WDR86: variants seen among roughly 807,000 people sequenced by gnomAD.
WDR86 encodes the protein WD repeat domain 86.
In WDR86, 30 loss-of-function variants were observed where a neutral mutation model predicts 36.5. The ratio of observed to expected loss-of-function variants is 0.82; its 90% CI spans 0.61 to 1.11. The LOEUF is 1.11. WDR86 is among the 50% of genes most tolerant of loss of function. The pLI, the probability that WDR86 is intolerant of heterozygous loss-of-function variation, is 0.00. For synonymous variants in WDR86, 255 were observed against 252.9 expected, an observed-to-expected ratio of 1.01 and a Z score of -0.08; for missense variants, 545 against 561.2, an observed-to-expected ratio of 0.97 and a Z score of 0.29.
Position 151,388,482 on chromosome 7 carries a change from C to A in WDR86, c.727-3259G>T, listed in dbSNP as rs1398495735. On this transcript the variant is annotated intron_variant, in intron 3 of 5. Transcript: ENST00000334493. The surrounding 1 kb of genome is among the most constrained non-coding windows in gnomAD (Gnocchi z 4.2). ...CGCAGGGCCACCACAGACAGGGTGC[C>A]CCCTGGCTTTTTGACCTTGGGTTTG... 1.3e-5 allele frequency among the ~76,000 whole-genome samples: 2 copies of A among 152,136 alleles called. No individual in the cohort carries two copies. Among genetic ancestry groups the A allele is most frequent in the Non-Finnish European group, 2.9e-5 (2 of 68,014 alleles).
chr7:151,379,462 A>G (rs1476946753), downstream of WDR86, among the ~76,000 whole-genome samples: 2 of 152,146 alleles, frequency 1.3e-5, no homozygotes, highest in African/African-American at 4.8e-5. Flanking sequence ...CAATTTATCA[A>G]AAGCAGACAC....
chr7:151,381,378 G>C lies in WDR86; in HGVS notation c.*204C>G. ...GCCACCCTAAAAGGGAAAAGGGGGCGGTCCCCAGGGCGAGCACTCCCGCTC... is the reference window on the plus strand; with the variant it reads ...GCCACCCTAAAAGGGAAAAGGGGGCCGTCCCCAGGGCGAGCACTCCCGCTC... On this transcript the variant is annotated 3_prime_UTR_variant, in exon 6 of 6. Transcript: ENST00000334493. This position sits in a 1 kb window ranked among gnomAD's most constrained non-coding sequence, Gnocchi z 4.8. 2.1e-6 allele frequency: 3 copies of C among 1,445,060 alleles called. No homozygotes were observed. Among genetic ancestry groups the C allele is most frequent in the South Asian group, 2.8e-5 (2 of 72,712 alleles). The allele number at this position is 1,445,060 out of a possible 1,614,324, so 89.5% of individuals were successfully genotyped here.
chr7:151,377,206 C>A, downstream of WDR86: 1 of 1,551,622 alleles, frequency 6.4e-7, no homozygotes, highest in Non-Finnish European at 8.7e-7. Flanking sequence ...AATAGGAAGT[C>A]AGCAACAAAG....
At chr7:151,382,107 A>G in intron 4 of WDR86, 126 bp from the exon 5 acceptor site, 1 of 779,612 alleles carries the variant, frequency 1.3e-6, no homozygotes. Flanking sequence ...CCTGAGGCTC[A>G]TATGGGAAGT....
the WDR86 span, among the ~76,000 whole-genome samples, chr7:151,370,639 C>G: frequency 7.3e-5 from 11 of 151,556 alleles, no homozygotes; most frequent in Non-Finnish European, 1.5e-4. Context: ...GTGCGCTGCA[C>G]CCATTAACTC....
rs1023346851 is a variant in WDR86, at chr7:151,406,359, C to T, written c.163+3068G>A. On this transcript the variant is annotated intron_variant, in intron 1 of 5. Coordinates refer to ENST00000334493, the MANE Select transcript of WDR86 (RefSeq NM_198285.3). This position sits in a 1 kb window ranked among gnomAD's most constrained non-coding sequence, Gnocchi z 4.4. ...AGGAAAGCCTGCGGTCCCTGATTGC[C>T]CCTGCTGCCATGAACAGAGCCAGAG... 3.3e-5 allele frequency among the ~76,000 whole-genome samples: 5 copies of T among 152,192 alleles called. No homozygotes were observed. The highest frequency in any genetic ancestry group is 1.2e-4 in the African/African-American group (5 of 41,440).
chr7:151,370,919 TC>T (rs1797930052), downstream of WDR86, among the ~76,000 whole-genome samples: 1 of 152,122 alleles, frequency 6.6e-6, no homozygotes, highest in African/African-American at 2.4e-5. Flanking sequence ...AGACTATAGT[TC>T]ATAAAACATT....
At chr7:151,374,611 A>C (rs947924171), downstream of WDR86, 2 of 294,866 alleles carry the variant, frequency 6.8e-6, no homozygotes, top group African/African-American at 2.2e-5. Context: ...TTGGCATTAA[A>C]ATTTTAAATG....
downstream of WDR86, chr7:151,378,055 T>G (rs1488525172): frequency 6.6e-6 from 1 of 152,204 alleles, no homozygotes; most frequent in Non-Finnish European, 1.5e-5. Flanking sequence ...TCTCCAGGTT[T>G]TTTGTGGGTT....
At chr7:151,391,135 T>G (rs568070043) in intron 3 of WDR86, among the ~76,000 whole-genome samples, 176 of 152,312 alleles carry the variant, frequency 1.2e-3, no homozygotes, top group African/African-American at 4.1e-3. Flanking sequence ...GCCCATCTGA[T>G]GAAGGCTGTG....
At chr7:151,380,847 T>C (rs528515030), downstream of WDR86, among the ~76,000 whole-genome samples, 272 of 123,548 alleles carry the variant, frequency 2.2e-3, 1 homozygote, top group Non-Finnish European at 3.4e-3. Flanking sequence ...GAAAATGACA[T>C]GCCAGAAAAT....
intron 3 of WDR86, among the ~76,000 whole-genome samples, chr7:151,389,881 A>G (rs1799288783): frequency 6.6e-6 from 1 of 152,182 alleles, no homozygotes; most frequent in Non-Finnish European, 1.5e-5. Context: ...TTAGATAGCA[A>G]TGGTGCCGCC....
chr7:151,403,720 C>A (rs1208702896), intron 1 of WDR86, among the ~76,000 whole-genome samples: 1 of 152,184 alleles, frequency 6.6e-6, no homozygotes, highest in African/African-American at 2.4e-5. Context: ...TTTGTCAAAA[C>A]GCAGGCTAGA....
downstream of WDR86, chr7:151,374,547 G>A: frequency 2.2e-6 from 1 of 454,660 alleles, no homozygotes; most frequent in Non-Finnish European, 4.0e-6. Context: ...AGTGAAACAG[G>A]CAGTTTCCAC....
At position 151,382,029 on chromosome 7, in the gene WDR86, C is replaced by T. The variant is rs760116978; in HGVS notation, c.863-48G>A. Reference sequence around the variant, plus strand: ...GGGCCTCCCTCCCTGCTCGGCCCCCCGCAAGCAGGGATGGGGCGGCGAGAG... The same window carrying T: ...GGGCCTCCCTCCCTGCTCGGCCCCCTGCAAGCAGGGATGGGGCGGCGAGAG... On this transcript the variant is annotated intron_variant, in intron 4 of 5. Coordinates refer to ENST00000334493, the MANE Select transcript of WDR86 (RefSeq NM_198285.3). 12 of 1,524,104 alleles carry T rather than the reference C, an allele frequency of 7.9e-6. No homozygotes were observed. The Admixed American group carries it at 1.4e-4, about 17-fold the overall frequency. 94.4% of individuals were successfully genotyped at this position (1,524,104 alleles called of 1,614,324 possible). A position where few individuals can be genotyped will look rare whatever the true frequency, so the allele number is the denominator to read the frequency against.
At chr7:151,408,199 C>CTTTTTT (rs1029293163) in intron 1 of WDR86, among the ~76,000 whole-genome samples, 9 of 116,070 alleles carry the variant, frequency 7.8e-5, no homozygotes, top group African/African-American at 3.1e-4. Flanking sequence ...CTTTTCTTTT[C>CTTTTTT]TTTTTTTTTT....
At chr7:151,399,298 C>T (rs1467024567) in intron 2 of WDR86, among the ~76,000 whole-genome samples, 1 of 152,212 alleles carries the variant, frequency 6.6e-6, no homozygotes, top group Non-Finnish European at 1.5e-5. Context: ...CGCTGGTCCA[C>T]TGACTGGGGG....
intron 3 of WDR86, among the ~76,000 whole-genome samples, chr7:151,391,696 C>G (rs555246508): frequency 1.1e-4 from 17 of 152,300 alleles, no homozygotes; most frequent in African/African-American, 3.9e-4. Context: ...TTACAACACA[C>G]TCAGATGCAC....
intron 1 of WDR86, among the ~76,000 whole-genome samples, chr7:151,402,070 A>AAAAAAAAAAAATATATATAT: frequency 2.0e-5 from 1 of 50,554 alleles, no homozygotes; most frequent in South Asian, 4.8e-4. Context: ...AAAAAAAAAA[A>AAAAAAAAAAAATATATATAT]ATATATATAT....
Sources: allele counts gnomAD v4.1 joint callset (sites outside exome capture counted in the v4.1 genomes callset), GRCh38; gene constraint gnomAD v4.1.1; non-coding constraint Gnocchi (gnomAD v3.1); transcripts MANE v1.5; gene names NCBI Gene and HGNC (gene_info 2026-07-23, HGNC 2026-07-21).